Variants in PCDH15 observed in about 807,000 individuals in gnomAD.
PCDH15 encodes protocadherin-15.
PCDH15 carries 129 observed loss-of-function variants against 178.5 expected under a neutral mutation model. That is an observed-to-expected ratio of 0.72 (90% CI 0.63 to 0.84). The LOEUF (loss-of-function observed/expected upper bound fraction) is 0.84, where lower values mean the gene tolerates loss of function less well. Ranked by LOEUF, PCDH15 falls within the 40% of genes least tolerant of loss-of-function variation. The pLI is 0.00. For synonymous variants in PCDH15, 800 were observed against 732.0 expected, an observed-to-expected ratio of 1.09 and a Z score of -1.50; for missense variants, 2,230 against 2,099.9, an observed-to-expected ratio of 1.06 and a Z score of -1.21.
rs574998617 is a variant in PCDH15 at position 55,312,760 on chromosome 10, G to A, written c.-156+6839C>T. 2.0e-5 allele frequency among the ~76,000 whole-genome samples: 3 copies of A among 152,128 alleles called. No homozygotes were observed. The South Asian group carries it at 6.2e-4, about 32-fold the overall frequency. On this transcript the variant is annotated intron_variant, in intron 1 of 5. Transcript: ENST00000458638. ...AGCCTCCCGAGTAGCTGAGATTACA[G>A]GCATGCACCACCATGCCCAGCTAAT...
chr10:55,378,296 A>G (rs1370147485), intron 2 of PCDH15, among the ~76,000 whole-genome samples: 2 of 152,168 alleles, frequency 1.3e-5, no homozygotes, highest in African/African-American at 4.8e-5. Context: ...TATAGAACAT[A>G]GGTGGATATG....
intron 31 of PCDH15, among the ~76,000 whole-genome samples, chr10:53,828,241 A>AT: frequency 7.5e-6 from 1 of 133,732 alleles, no homozygotes; most frequent in East Asian, 2.2e-4. Context: ...AAAAAAAAAA[A>AT]TTCCTAGGAA....
At chr10:55,363,667 C>T (rs931157059) in intron 2 of PCDH15, among the ~76,000 whole-genome samples, 2 of 151,984 alleles carry the variant, frequency 1.3e-5, no homozygotes, top group Non-Finnish European at 2.9e-5. Context: ...CGGAATTTCG[C>T]TCTTGTTGCA....
At chr10:55,293,156 G>A (rs189604975) in intron 1 of PCDH15, among the ~76,000 whole-genome samples, 5 of 152,268 alleles carry the variant, frequency 3.3e-5, no homozygotes, top group African/African-American at 9.6e-5. Context: ...CCACATGGGA[G>A]CTGCCAAGGC....
At chr10:54,784,321 C>A (rs1470766087) in intron 1 of PCDH15, among the ~76,000 whole-genome samples, 7 of 107,486 alleles carry the variant, frequency 6.5e-5, no homozygotes, top group African/African-American at 1.7e-4. Flanking sequence ...ATAAAAAGAT[C>A]TTAGAATAAT....
rs984553202 is a variant in PCDH15, at chr10:54,732,662, G to A, written c.-29+68263C>T. On this transcript the variant is annotated intron_variant, in intron 1 of 37. Coordinates refer to ENST00000644397, the MANE Select transcript of PCDH15 (RefSeq NM_001384140.1). ...CAATCCCTTCCAAAAAATAGAAGAGGAAGTAACAACTCTCACCTGATTTTA... is the reference window on the plus strand; with the variant it reads ...CAATCCCTTCCAAAAAATAGAAGAGAAAGTAACAACTCTCACCTGATTTTA... Among the ~76,000 whole-genome samples the A allele has an allele frequency of 2.0e-5, 3 of 151,446 alleles. No individual in the cohort carries two copies. In the Admixed American group the frequency reaches 2.0e-4, roughly 10 times the overall value.
At chr10:55,078,758 C>A (rs1414860298) in intron 2 of PCDH15, among the ~76,000 whole-genome samples, 1 of 151,952 alleles carries the variant, frequency 6.6e-6, no homozygotes, top group African/African-American at 2.4e-5. Context: ...AATACGTAGT[C>A]TTTTATCCCT....
chr10:54,914,687 T>C (rs771770978), intron 2 of PCDH15, among the ~76,000 whole-genome samples: 13 of 152,148 alleles, frequency 8.5e-5, no homozygotes, highest in Admixed American at 4.6e-4. Flanking sequence ...TGAGCCCACT[T>C]CATAGGTTCA....
chr10:55,066,751 T>C (rs973908017), intron 2 of PCDH15, among the ~76,000 whole-genome samples: 2 of 151,192 alleles, frequency 1.3e-5, no homozygotes, highest in African/African-American at 4.8e-5. Flanking sequence ...ACTATTTTTT[T>C]AAGTTTTCAC....
At chr10:55,067,210 T>C (rs1841587217) in intron 2 of PCDH15, among the ~76,000 whole-genome samples, 2 of 151,984 alleles carry the variant, frequency 1.3e-5, no homozygotes, top group South Asian at 4.1e-4. Context: ...TGTATGACTG[T>C]ACTCATTAAC....
rs1212794084 is a variant in PCDH15, at chr10:53,896,629, A to G, written c.3501+6614T>C. ...TGACCTGTTAAGAACTGGGCCACAC[A>G]GCAGGAAGTGAGTGGTGGGTGACTG... On this transcript the variant is annotated intron_variant, in intron 26 of 37. Transcript: ENST00000644397. Among the ~76,000 whole-genome samples the G allele has an allele frequency of 2.6e-5, 4 of 152,206 alleles. No homozygotes were observed. In the East Asian group the frequency reaches 7.7e-4, roughly 29 times the overall value.
At chr10:54,268,751 G>T (rs1334810129) in intron 8 of PCDH15, among the ~76,000 whole-genome samples, 5 of 151,758 alleles carry the variant, frequency 3.3e-5, no homozygotes, top group African/African-American at 1.2e-4. Flanking sequence ...TTATAGTACT[G>T]TAAATATAAT....
chr10:53,973,332 C>T (rs2089916153), intron 21 of PCDH15, among the ~76,000 whole-genome samples: 1 of 151,260 alleles, frequency 6.6e-6, no homozygotes, highest in Admixed American at 6.6e-5. Context: ...AGGAGATATA[C>T]CTAATGTAAA....
chr10:55,258,866 G>T (rs184595632), intron 1 of PCDH15, among the ~76,000 whole-genome samples: 3 of 150,770 alleles, frequency 2.0e-5, no homozygotes, highest in African/African-American at 4.9e-5. Context: ...TAACCGCAGG[G>T]CCTCTCAAAA....
At chr10:55,471,968 A>C (rs1010040451) in intron 2 of PCDH15, among the ~76,000 whole-genome samples, 4 of 152,166 alleles carry the variant, frequency 2.6e-5, no homozygotes, top group African/African-American at 9.7e-5. Context: ...ATATGGAAGG[A>C]GGATGGTGGT....
intron 18 of PCDH15, among the ~76,000 whole-genome samples, chr10:54,033,184 AT>A (rs1194367197): frequency 6.6e-6 from 1 of 151,890 alleles, no homozygotes; most frequent in Non-Finnish European, 1.5e-5. Context: ...ATATATACCT[AT>A]TTTTGTATAA....
intron 3 of PCDH15, among the ~76,000 whole-genome samples, chr10:54,854,965 C>A (rs1390510036): frequency 6.6e-6 from 1 of 152,214 alleles, no homozygotes; most frequent in African/African-American, 2.4e-5. Context: ...GGGGCACCTG[C>A]AGGCCAGTTC....
chr10:54,142,657 A>G (rs2043519771), intron 14 of PCDH15, among the ~76,000 whole-genome samples: 4 of 152,246 alleles, frequency 2.6e-5, no homozygotes, highest in African/African-American at 2.4e-5. Context: ...GTAAAAGGCT[A>G]TAAGAACTTT....
intron 2 of PCDH15, among the ~76,000 whole-genome samples, chr10:55,088,417 C>G (rs10825461): frequency 5.3e-5 from 8 of 151,708 alleles, no homozygotes; most frequent in Non-Finnish European, 8.8e-5. Context: ...TACAGTTGTG[C>G]GCCACCATGC....
Sources: allele counts gnomAD v4.1 joint callset (sites outside exome capture counted in the v4.1 genomes callset), GRCh38; gene constraint gnomAD v4.1.1; transcripts MANE v1.5; gene names NCBI Gene and HGNC (gene_info 2026-07-23, HGNC 2026-07-21).